The following CACNA1B variants were observed in gnomAD, a reference collection of about 807,000 sequenced individuals.
CACNA1B encodes the protein calcium voltage-gated channel subunit alpha1 B, also known as voltage-dependent N-type calcium channel subunit alpha-1B.
CACNA1B carries 70 observed loss-of-function variants against 247.2 expected under a neutral mutation model. The observed-to-expected ratio is 0.28, with a 90% CI of 0.23 to 0.35. The LOEUF (loss-of-function observed/expected upper bound fraction) is 0.35. Among genes scored for constraint, CACNA1B ranks in the 10% least tolerant of loss-of-function variants. CACNA1B has a pLI of 1.00. For synonymous variants in CACNA1B, 1,231 were observed against 1,294.4 expected (o/e 0.95, Z 1.05); for missense variants, 2,367 against 3,197.4 (o/e 0.74, Z 6.26).
At chr9:138,056,751 A>G (rs1234288171) in intron 26 of CACNA1B, among the ~76,000 whole-genome samples, 3 of 152,020 alleles carry the variant, frequency 2.0e-5, no homozygotes, top group African/African-American at 7.2e-5. Flanking sequence ...CCATCTTTTT[A>G]GTTTTGGTAT....
chr9:137,986,648 G>A lies in CACNA1B; in HGVS notation c.1901+104G>A. 6.7e-7 allele frequency: 1 copy of A among 1,493,148 alleles called. No individual in the cohort carries two copies. The highest frequency in any genetic ancestry group is 9.3e-7 in the Non-Finnish European group (1 of 1,074,128). The allele number at this position is 1,493,148 out of a possible 1,614,324, so 92.5% of individuals were successfully genotyped here. On this transcript the variant is annotated intron_variant, in intron 14 of 46. Coordinates refer to ENST00000371372, the MANE Select transcript of CACNA1B (RefSeq NM_000718.4). This position sits in a 1 kb window ranked among gnomAD's most constrained non-coding sequence, Gnocchi z 6.0. ...GCTGCCTCCACCCACCTTCCCACCA[G>A]GAAGGTCCTCAGAGGGGCCAGTGTG...
chr9:138,019,820 C>G (rs1481328665), intron 18 of CACNA1B, among the ~76,000 whole-genome samples: 1 of 152,162 alleles, frequency 6.6e-6, no homozygotes, highest in African/African-American at 2.4e-5. Flanking sequence ...AGATGGTGGC[C>G]GGGCGCGCTG....
intron 7 of CACNA1B, among the ~76,000 whole-genome samples, chr9:137,953,598 C>T (rs554956635): frequency 3.2e-4 from 49 of 152,238 alleles, no homozygotes; most frequent in Non-Finnish European, 5.7e-4. Context: ...CCTAGCCTGG[C>T]GGGGTAGCTG....
At chr9:137,898,478 C>T (rs1470287050) in intron 3 of CACNA1B, among the ~76,000 whole-genome samples, 1 of 151,996 alleles carries the variant, frequency 6.6e-6, no homozygotes, top group South Asian at 2.1e-4. Context: ...TTCCTTGAGG[C>T]TCTGTTGTTC....
chr9:138,024,893 C>CG, intron 19 of CACNA1B, 62 bp from the exon 20 acceptor site: 1 of 1,212,536 alleles, frequency 8.2e-7, no homozygotes, highest in Non-Finnish European at 1.2e-6. Context: ...CTCTGCCTCC[C>CG]GGTGCCGGGA....
chr9:138,099,291 A>G (rs566644327), intron 37 of CACNA1B, among the ~76,000 whole-genome samples: 10 of 152,300 alleles, frequency 6.6e-5, no homozygotes, highest in Middle Eastern at 3.4e-3. Context: ...CAAGGCGCGC[A>G]CGTGTGTGCA....
At chr9:138,104,465 G>C (rs571713810) in intron 38 of CACNA1B, among the ~76,000 whole-genome samples, 1 of 152,222 alleles carries the variant, frequency 6.6e-6, no homozygotes, top group Non-Finnish European at 1.5e-5. Context: ...GCCATTCTCC[G>C]GGAAGCCGTT....
In CACNA1B at chr9:138,120,323, G is replaced by A. The variant is rs1564298488; in HGVS notation, c.6189G>A (p.Lys2063=). ...GCTGCCACCGCCGCAGGGACAGGAA[G>A]CAGAGGTCCCTGGAGAAGGGGCCCA... ...HHRCHRRRDR[K]QRSLEKGPSL... is the part of the protein sequence containing the mutation. Residue 2063 remains lysine, a synonymous_variant, in exon 45 of 47, where the codon AAG becomes AAA. Transcript: ENST00000371372. 1.3e-6 allele frequency: 2 copies of A among 1,564,268 alleles called. No individual in the cohort carries two copies. The highest frequency in any genetic ancestry group is 1.7e-6 in the Non-Finnish European group (2 of 1,159,958).
rs1402318611 is a variant in CACNA1B, at chr9:137,950,061, C to T, written c.967-2213C>T. ...CAGTTAAGCATTCTGCGTTGGCTGT[C>T]AGGGAAGGAGGAGGGCTGCTGTCTT... is the stretch of plus-strand genomic sequence containing the variant. On this transcript the variant is annotated intron_variant, in intron 6 of 46. Transcript: ENST00000371372. The surrounding 1 kb of genome is among the most constrained non-coding windows in gnomAD (Gnocchi z 4.8). Among the ~76,000 whole-genome samples the T allele has an allele frequency of 6.6e-6, 1 of 152,156 alleles. No homozygotes were observed. The highest frequency in any genetic ancestry group is 1.5e-5 in the Non-Finnish European group (1 of 68,038).
At chr9:137,980,751 C>T (rs560168171) in intron 12 of CACNA1B, among the ~76,000 whole-genome samples, 4 of 152,270 alleles carry the variant, frequency 2.6e-5, no homozygotes, top group African/African-American at 4.8e-5. Flanking sequence ...CTTGTGAGAA[C>T]GTGTGGTATT....
intron 6 of CACNA1B, among the ~76,000 whole-genome samples, chr9:137,935,974 A>G (rs1001141123): frequency 6.6e-6 from 1 of 152,134 alleles, no homozygotes; most frequent in Non-Finnish European, 1.5e-5. Context: ...CTCCTGCCTC[A>G]GCCTCCTGAG....
chr9:138,056,025 CA>C (rs139766087), intron 26 of CACNA1B, among the ~76,000 whole-genome samples: 4 of 142,200 alleles, frequency 2.8e-5, no homozygotes, highest in Non-Finnish European at 4.6e-5. Context: ...GACTCTGTCT[CA>C]AAAAAAAAAC....
At chr9:137,960,460 AT>A (rs1958006718) in intron 10 of CACNA1B, among the ~76,000 whole-genome samples, 1 of 9,330 alleles carries the variant, frequency 1.1e-4, no homozygotes, top group South Asian at 3.8e-3. Context: ...GTCGGCCTGA[AT>A]GAAGGACACC....
At chr9:138,004,385 T>C (rs1382989021) in intron 15 of CACNA1B, among the ~76,000 whole-genome samples, 1 of 151,448 alleles carries the variant, frequency 6.6e-6, no homozygotes, top group South Asian at 2.1e-4. Context: ...CCATCTCTAC[T>C]AAAAAATACA....
intron 3 of CACNA1B, among the ~76,000 whole-genome samples, chr9:137,908,505 G>A (rs887646200): frequency 1.2e-4 from 18 of 151,942 alleles, no homozygotes; most frequent in Admixed American, 9.2e-4. Flanking sequence ...GACAGAGTGA[G>A]ACTCCGTCTC....
chr9:138,056,026 A>AG (rs1338208988), intron 26 of CACNA1B, among the ~76,000 whole-genome samples: 2 of 106,612 alleles, frequency 1.9e-5, no homozygotes, highest in African/African-American at 2.7e-5. Flanking sequence ...ACTCTGTCTC[A>AG]AAAAAAAAAC....
intron 42 of CACNA1B, among the ~76,000 whole-genome samples, chr9:138,116,111 C>G (rs1961859126): frequency 6.6e-6 from 1 of 152,224 alleles, no homozygotes; most frequent in Admixed American, 6.5e-5. Context: ...GACAAGAGGC[C>G]CCTGCCCCTG....
chr9:137,935,371 G>A (rs1957654038), intron 6 of CACNA1B, among the ~76,000 whole-genome samples: 2 of 152,148 alleles, frequency 1.3e-5, no homozygotes, highest in South Asian at 4.2e-4. Context: ...TTCTGTCCTT[G>A]CGATAGTTTG....
rs1962125735 is a variant in CACNA1B, at chr9:138,122,153, A to C, written c.*154A>C. 3.2e-6 allele frequency: 2 copies of C among 632,400 alleles called. No homozygotes were observed. The highest frequency in any genetic ancestry group is 5.4e-6 in the Non-Finnish European group (2 of 368,408). The allele number at this position is 632,400 out of a possible 1,614,324, so 39.2% of individuals were successfully genotyped here. A position where few individuals can be genotyped will look rare whatever the true frequency, so the allele number is the denominator to read the frequency against. On this transcript the variant is annotated 3_prime_UTR_variant, in exon 47 of 47. Transcript: ENST00000371372. Reference sequence around the variant, plus strand: ...CTCCCTCCCCCTCCTCCCCTCTTTTACTCTAGACGACGAATAAAGCCCTGT... The same window carrying C: ...CTCCCTCCCCCTCCTCCCCTCTTTTCCTCTAGACGACGAATAAAGCCCTGT...
Sources: gnomAD v4.1 joint callset for allele counts (sites outside exome capture counted in the v4.1 genomes callset) on GRCh38, gnomAD v4.1.1 for gene constraint, Gnocchi (gnomAD v3.1) non-coding constraint, MANE v1.5 for transcripts, NCBI Gene and HGNC (gene_info 2026-07-23, HGNC 2026-07-21) for gene names.